FRK: variants seen among roughly 807,000 people sequenced by gnomAD.
The protein encoded by FRK is tyrosine-protein kinase FRK.
In FRK, 51 loss-of-function variants were observed where a neutral mutation model predicts 56.4. That is an observed-to-expected ratio of 0.90 (90% CI 0.72 to 1.14). The LOEUF is 1.14. Ranked by LOEUF, FRK falls within the 50% of genes most tolerant of loss-of-function variation. The pLI is 0.00. For missense variants in FRK, 570 were observed against 601.4 expected (o/e 0.95, Z 0.55); for synonymous variants, 245 against 217.9 (o/e 1.12, Z -1.10).
intron 6 of FRK, among the ~76,000 whole-genome samples, chr6:115,943,489 C>CAAAAA (rs35923228): frequency 5.0e-5 from 3 of 59,536 alleles, no homozygotes; most frequent in Non-Finnish European, 7.3e-5. Context: ...TGGTCTTGAG[C>CAAAAA]AAAAAAAAAA....
intron 2 of FRK, among the ~76,000 whole-genome samples, chr6:115,993,696 C>A (rs1348687474): frequency 6.6e-6 from 1 of 151,924 alleles, no homozygotes; most frequent in Non-Finnish European, 1.5e-5. Context: ...CTGAGGAAAG[C>A]TTTCTTATGC....
At chr6:116,090,696 C>G in the FRK span, among the ~76,000 whole-genome samples, 18 of 152,150 alleles carry the variant, frequency 1.2e-4, no homozygotes, top group Non-Finnish European at 2.4e-4. Context: ...AATTCTCTCC[C>G]CAGACCTCTC....
At chr6:115,980,090 CT>C (rs1774139630) in intron 2 of FRK, among the ~76,000 whole-genome samples, 1 of 151,980 alleles carries the variant, frequency 6.6e-6, no homozygotes, top group African/African-American at 2.4e-5. Context: ...AGTAAATACA[CT>C]AATATATTGC....
intron 1 of FRK, among the ~76,000 whole-genome samples, chr6:116,037,282 A>T (rs1776523003): frequency 6.6e-6 from 1 of 152,220 alleles, no homozygotes; most frequent in South Asian, 2.1e-4. Context: ...CACTGCCTGT[A>T]CAACAGGTGT....
chr6:115,942,988 C>A, intron 7 of FRK, 32 bp downstream of exon 7: 1 of 1,592,346 alleles, frequency 6.3e-7, no homozygotes. Context: ...TGACATGCAG[C>A]AGAAAGGTCC....
intron 2 of FRK, among the ~76,000 whole-genome samples, chr6:116,002,400 C>A (rs141350397): frequency 6.6e-6 from 1 of 152,162 alleles, no homozygotes; most frequent in Admixed American, 6.5e-5. Context: ...CGGTGGATCA[C>A]GAGGCCAGGA....
chr6:115,995,100 TAAC>T (rs976848981), intron 2 of FRK, among the ~76,000 whole-genome samples: 1 of 152,164 alleles, frequency 6.6e-6, no homozygotes, highest in Non-Finnish European at 1.5e-5. Context: ...TCCAGCCACT[TAAC>T]AACATCTCAA....
At chr6:116,000,903 C>T (rs1025761993) in intron 2 of FRK, among the ~76,000 whole-genome samples, 1 of 152,034 alleles carries the variant, frequency 6.6e-6, no homozygotes, top group East Asian at 1.9e-4. Flanking sequence ...TATTAAAGGG[C>T]ATGCAAAAAT....
chr6:115,949,665 G>T (rs1389085104), intron 5 of FRK, among the ~76,000 whole-genome samples: 1 of 152,118 alleles, frequency 6.6e-6, no homozygotes, highest in Non-Finnish European at 1.5e-5. Context: ...CTTTCTTCAT[G>T]ATTCAGAAAA....
intron 4 of FRK, among the ~76,000 whole-genome samples, chr6:115,958,707 G>A (rs867228767): frequency 0.043 from 292 of 6,758 alleles, 37 homozygotes; most frequent in African/African-American, 0.13. Flanking sequence ...AAAGAAAGAA[G>A]AAAGAAAGAA....
At chr6:115,949,758 A>C (rs146204541) in intron 5 of FRK, among the ~76,000 whole-genome samples, 1 of 152,216 alleles carries the variant, frequency 6.6e-6, no homozygotes, top group Non-Finnish European at 1.5e-5. Context: ...AGCTGGAGGC[A>C]TCATGCTACC....
chr6:116,039,280 A>G, intron 1 of FRK: 1 of 1,477,046 alleles, frequency 6.8e-7, no homozygotes, highest in South Asian at 1.1e-5. Flanking sequence ...CAAGACTGCA[A>G]CACCCCAGAA....
At chr6:116,098,695 A>C in the FRK span, among the ~76,000 whole-genome samples, 2 of 152,226 alleles carry the variant, frequency 1.3e-5, no homozygotes, top group Non-Finnish European at 2.9e-5. Context: ...TGTAGTTGAT[A>C]ATACAAGAGC....
chr6:116,041,043 T>C (rs1436731732), intron 1 of FRK, among the ~76,000 whole-genome samples: 1 of 152,172 alleles, frequency 6.6e-6, no homozygotes, highest in Non-Finnish European at 1.5e-5. Context: ...CTAATTACTA[T>C]GTAATAATTT....
chr6:115,969,188 T>C (rs1368930945), intron 2 of FRK, among the ~76,000 whole-genome samples: 1 of 152,148 alleles, frequency 6.6e-6, no homozygotes, highest in Non-Finnish European at 1.5e-5. Context: ...TCCTATAATG[T>C]GGCTTTGGAA....
rs1456341463 is a variant in FRK at position 115,933,210 on chromosome 6, A to G, written c.*9204T>C. 3 of 152,218 alleles carry G rather than the reference A, an allele frequency of 2.0e-5. No homozygotes were observed. Among genetic ancestry groups the G allele is most frequent in the Admixed American group, 6.5e-5 (1 of 15,284 alleles). The allele number at this position is 152,218 out of a possible 1,614,324, so 9.4% of individuals were successfully genotyped here. On this transcript the variant is annotated 3_prime_UTR_variant, in exon 8 of 8. Coordinates refer to ENST00000606080, the MANE Select transcript of FRK (RefSeq NM_002031.3). ...TCTGTCAAAAGAGATTTGAAATACA[A>G]CATGAAATGATGTACTCACATCCCT...
chr6:115,934,928 T>C lies in FRK; in HGVS notation c.*7486A>G, dbSNP rs1772017240. ...AACTTAAGATGAGTAAAAACCCTCT[T>C]ATCCTACCAGACCAAAAAAAAAAAA... On this transcript the variant is annotated 3_prime_UTR_variant, in exon 8 of 8. Transcript: ENST00000606080. 7.9e-6 allele frequency: 1 copy of C among 126,108 alleles called. No homozygotes were observed. Among genetic ancestry groups the C allele is most frequent in the Non-Finnish European group, 1.6e-5 (1 of 60,818 alleles). The allele number at this position is 126,108 out of a possible 1,614,324, so 7.8% of individuals were successfully genotyped here.
rs1391833099 is a variant in FRK at position 115,934,826 on chromosome 6, T to C, written c.*7588A>G. On this transcript the variant is annotated 3_prime_UTR_variant, in exon 8 of 8. Transcript: ENST00000606080. ...TGAAACCATCTTGGAAAAGTCTACCTAGTTATCTAATGAGACAGATAATTT... is the reference window on the plus strand; with the variant it reads ...TGAAACCATCTTGGAAAAGTCTACCCAGTTATCTAATGAGACAGATAATTT... 6.6e-6 allele frequency: 1 copy of C among 152,122 alleles called. No homozygotes were observed. Among genetic ancestry groups the C allele is most frequent in the East Asian group, 1.9e-4 (1 of 5,192 alleles). 9.4% of individuals were successfully genotyped at this position (152,122 alleles called of 1,614,324 possible).
chr6:116,090,728 C>A, the FRK span, among the ~76,000 whole-genome samples: 1 of 152,106 alleles, frequency 6.6e-6, no homozygotes, highest in Non-Finnish European at 1.5e-5. Context: ...AGCCCTTCTG[C>A]AATTTAGAAG....
Sources: gnomAD v4.1 joint callset for allele counts (sites outside exome capture counted in the v4.1 genomes callset) on GRCh38, gnomAD v4.1.1 for gene constraint, MANE v1.5 for transcripts, NCBI Gene and HGNC (gene_info 2026-07-23, HGNC 2026-07-21) for gene names.